DENND2A: variants seen among roughly 807,000 people sequenced by gnomAD.
The protein encoded by DENND2A is DENN domain containing 2A, also known as DENN domain-containing protein 2A.
In DENND2A, 53 loss-of-function variants were observed where a neutral mutation model predicts 105.3. That is an observed-to-expected ratio of 0.50 (90% CI 0.40 to 0.63). The LOEUF (loss-of-function observed/expected upper bound fraction) is 0.63, where lower values mean the gene tolerates loss of function less well. Among genes scored for constraint, DENND2A ranks in the 30% least tolerant of loss-of-function variants. The probability of loss-of-function intolerance (pLI) is 0.00; values close to 1 mark genes in which losing one functional copy is unlikely to be tolerated. For synonymous variants in DENND2A, 522 were observed against 508.4 expected (o/e 1.03, Z -0.36); for missense variants, 1,138 against 1,279.6 (o/e 0.89, Z 1.69).
At position 140,519,676 on chromosome 7, in the gene DENND2A, G is replaced by C; in HGVS notation, c.2954C>G (p.Pro985Arg). 3 of 1,614,074 alleles carry C rather than the reference G, an allele frequency of 1.9e-6. No individual in the cohort carries two copies. The highest frequency in any genetic ancestry group is 2.5e-6 in the Non-Finnish European group (3 of 1,180,002). The change falls in exon 19 of 20, where the codon CCC becomes CGC. Residue 985 changes from proline (P) to arginine (R), a missense_variant. By Grantham distance (103) the Pro-to-Arg change is moderately radical (BLOSUM62 -2). Around this residue, in one of 2 missense-constraint regions of DENND2A, gnomAD observed 627 missense variants for 779.8 expected, o/e 0.80. Transcript: ENST00000496613. ...VRAQEYLETL[P>R]SGEHSGVNKF... Reference sequence around the variant, plus strand: ...ATTGACACCGCTGTGCTCTCCACTGGGGAGTGTTTCCAGATACTCTTGGGC... The same window carrying C: ...ATTGACACCGCTGTGCTCTCCACTGCGGAGTGTTTCCAGATACTCTTGGGC...
chr7:140,547,055 T>C (rs1476053770), intron 12 of DENND2A, 116 bp from the exon 13 acceptor site: 36 of 1,370,982 alleles, frequency 2.6e-5, no homozygotes, highest in Non-Finnish European at 3.4e-5. Flanking sequence ...GAAGCCCTGC[T>C]TTCCCCATGA....
intron 15 of DENND2A, among the ~76,000 whole-genome samples, chr7:140,526,177 C>T (rs1796048452): frequency 6.6e-6 from 1 of 152,228 alleles, no homozygotes; most frequent in African/African-American, 2.4e-5. Flanking sequence ...TGTCCTTCCC[C>T]CAGCTGCCCA....
At chr7:140,531,850 ACTAT>A (rs1796283630) in intron 14 of DENND2A, among the ~76,000 whole-genome samples, 1 of 144,300 alleles carries the variant, frequency 6.9e-6, no homozygotes, top group East Asian at 2.1e-4. Context: ...CAACAAAACA[ACTAT>A]CTGTGTGTGT....
In DENND2A at chr7:140,527,265, G is replaced by A. The variant is rs533962579; in HGVS notation, c.2505+53C>T. On this transcript the variant is annotated intron_variant, in intron 15 of 19. Transcript: ENST00000496613. The surrounding 1 kb of genome is among the most constrained non-coding windows in gnomAD (Gnocchi z 4.9). ...ATGATGCCTGCAGAGCCAGCGCCCCGCTCTGTTCTCCGCACCCTGCAGGGA... is the reference window on the plus strand; with the variant it reads ...ATGATGCCTGCAGAGCCAGCGCCCCACTCTGTTCTCCGCACCCTGCAGGGA... The A allele has an allele frequency of 3.3e-5, 50 of 1,497,272 alleles. No homozygotes were observed. The East Asian group carries it at 8.2e-4, about 25-fold the overall frequency. The allele number at this position is 1,497,272 out of a possible 1,614,324, so 92.7% of individuals were successfully genotyped here. A position where few individuals can be genotyped will look rare whatever the true frequency, so the allele number is the denominator to read the frequency against.
At chr7:140,535,209 G>C (rs871271) in intron 14 of DENND2A, among the ~76,000 whole-genome samples, 95 of 152,298 alleles carry the variant, frequency 6.2e-4, no homozygotes, top group African/African-American at 2.2e-3. Context: ...GAACTGGAAG[G>C]CTGATTCAGT....
chr7:140,537,340 G>A (rs887538773), intron 14 of DENND2A, among the ~76,000 whole-genome samples: 4 of 152,206 alleles, frequency 2.6e-5, no homozygotes, highest in African/African-American at 9.6e-5. Context: ...TCAAACTCCT[G>A]TATGTGTCAA....
At position 140,521,990 on chromosome 7, in the gene DENND2A, TCTC is replaced by T. The variant is rs1795876627; in HGVS notation, c.2773_2775del (p.Glu925del). ...CGGAAGGCCTCCCGCTGCAGGGTTC[TCTC>T]CTCACGCTCGCCCGACGTCAGGAAC... On this transcript the variant is annotated inframe_deletion, in exon 18 of 20. Transcript: ENST00000496613. 6.2e-7 allele frequency: 1 copy of T among 1,614,054 alleles called. No homozygotes were observed. Among genetic ancestry groups the T allele is most frequent in the African/African-American group, 1.3e-5 (1 of 74,936 alleles).
intron 3 of DENND2A, among the ~76,000 whole-genome samples, chr7:140,601,109 T>C (rs142511880): frequency 9.9e-4 from 151 of 152,300 alleles, no homozygotes; most frequent in Middle Eastern, 6.8e-3. Context: ...CATAAGTCCT[T>C]CATTTAACTC....
intron 1 of DENND2A, among the ~76,000 whole-genome samples, chr7:140,627,328 C>A (rs1290793672): frequency 6.6e-6 from 1 of 152,038 alleles, no homozygotes; most frequent in African/African-American, 2.4e-5. Flanking sequence ...TCTTGTGCCT[C>A]AGTCTCCCGA....
chr7:140,567,379 TC>T, intron 8 of DENND2A, 106 bp from the exon 9 acceptor site: 1 of 1,023,606 alleles, frequency 9.8e-7, no homozygotes, highest in Middle Eastern at 3.2e-4. Flanking sequence ...TGACCATGAG[TC>T]CATGTGGAAT....
rs528933484 is a variant in DENND2A, at chr7:140,530,816, C to T, written c.2328-3321G>A. 3.3e-4 allele frequency among the ~76,000 whole-genome samples: 50 copies of T among 152,176 alleles called. 1 individual carries two copies. Among genetic ancestry groups the T allele is most frequent in the African/African-American group, 1.2e-3 (49 of 41,526 alleles). On this transcript the variant is annotated intron_variant, in intron 14 of 19. Coordinates refer to ENST00000496613, the MANE Select transcript of DENND2A (RefSeq NM_015689.5). ...CATGATCTCAGCTCACTGCAACCTCCACCTCCCGTGTTCAAGTGATTCTCC... is the reference window on the plus strand; with the variant it reads ...CATGATCTCAGCTCACTGCAACCTCTACCTCCCGTGTTCAAGTGATTCTCC...
At chr7:140,616,360 A>G (rs1800086250) in intron 1 of DENND2A, among the ~76,000 whole-genome samples, 1 of 152,138 alleles carries the variant, frequency 6.6e-6, no homozygotes, top group African/African-American at 2.4e-5. Context: ...AGACTCCATC[A>G]CATACACACA....
chr7:140,591,959 C>T (rs1210277803), intron 3 of DENND2A, among the ~76,000 whole-genome samples: 2 of 34,816 alleles, frequency 5.7e-5, no homozygotes, highest in Non-Finnish European at 9.9e-5. Flanking sequence ...TCCCTACTCC[C>T]CTCCCCTCCC....
intron 5 of DENND2A, among the ~76,000 whole-genome samples, chr7:140,574,401 T>A (rs149200971): frequency 0.012 from 1,855 of 152,180 alleles, 37 homozygotes; most frequent in African/African-American, 0.041. Context: ...CGTATTTTAG[T>A]AGAGACGAGG....
chr7:140,603,969 G>C (rs28413042), intron 2 of DENND2A, among the ~76,000 whole-genome samples: 1 of 152,184 alleles, frequency 6.6e-6, no homozygotes, highest in South Asian at 2.1e-4. Flanking sequence ...GAAGATATTA[G>C]AAATTATTTT....
intron 14 of DENND2A, among the ~76,000 whole-genome samples, chr7:140,533,032 G>GC (rs1796322633): frequency 8.6e-6 from 1 of 116,104 alleles, no homozygotes; most frequent in Non-Finnish European, 1.7e-5. Context: ...TCACTCTGTT[G>GC]CCAGGCTGGA....
intron 9 of DENND2A, among the ~76,000 whole-genome samples, chr7:140,561,464 T>C (rs182522674): frequency 6.6e-6 from 1 of 151,638 alleles, no homozygotes; most frequent in Non-Finnish European, 1.5e-5. Context: ...CTAAATATAA[T>C]GGCTAACCTA....
At chr7:140,584,484 G>A (rs1798692054) in intron 5 of DENND2A, among the ~76,000 whole-genome samples, 2 of 152,312 alleles carry the variant, frequency 1.3e-5, no homozygotes, top group Non-Finnish European at 2.9e-5. Flanking sequence ...GCATTTGTAT[G>A]TAGGATCTAT....
In DENND2A at chr7:140,559,734, A is replaced by G. The variant is rs1390430489; in HGVS notation, c.1863T>C (p.Asp621=). The change falls in exon 10 of 20, where the codon GAT becomes GAC. Residue 621 remains aspartate (D), a synonymous_variant. Transcript: ENST00000496613. The surrounding 1 kb of genome is among the most constrained non-coding windows in gnomAD (Gnocchi z 4.1). ...TGGTGAACTGCTGGACAGGAACCCA[A>G]TCCTTGGCATCGGGAAAACAGAACT... ...IPQFCFPDAK[D]WVPVQQFTSE... 6.2e-7 allele frequency: 1 copy of G among 1,614,138 alleles called. No individual in the cohort carries two copies. The highest frequency in any genetic ancestry group is 1.1e-5 in the South Asian group (1 of 91,074).
Sources: gnomAD v4.1 joint callset for allele counts (sites outside exome capture counted in the v4.1 genomes callset) on GRCh38, gnomAD v4.1.1 for gene constraint, gnomAD v4.1.1 regional missense constraint, Gnocchi (gnomAD v3.1) non-coding constraint, MANE v1.5 for transcripts, NCBI Gene and HGNC (gene_info 2026-07-23, HGNC 2026-07-21) for gene names.